Variants in CASP10 observed in about 807,000 individuals in gnomAD.
The protein encoded by CASP10 is caspase-10.
CASP10 carries 41 observed loss-of-function variants against 48.5 expected under a neutral mutation model. The observed-to-expected ratio is 0.85, with a 90% CI of 0.66 to 1.10. CASP10 has a LOEUF of 1.10. Among genes scored for constraint, CASP10 ranks in the 50% least tolerant of loss-of-function variants. The probability of loss-of-function intolerance (pLI) is 0.00; values close to 1 mark genes in which losing one functional copy is unlikely to be tolerated. For synonymous variants in CASP10, 232 were observed against 238.4 expected (o/e 0.97, Z 0.25); for missense variants, 614 against 614.5 (o/e 1.00, Z 0.01).
chr2:201,228,493 T>G (rs1945817997), intron 9 of CASP10, among the ~76,000 whole-genome samples: 1 of 152,218 alleles, frequency 6.6e-6, no homozygotes. Flanking sequence ...GGCCTGGGGC[T>G]TCTTGCTGCT....
rs995661972 is a variant in CASP10 at position 201,195,066 on chromosome 2, C to A, written c.578-776C>A. Among the ~76,000 whole-genome samples, 3 of 150,500 alleles carry A rather than the reference C, an allele frequency of 2.0e-5. No individual in the cohort carries two copies. In the East Asian group the frequency reaches 6.0e-4, roughly 30 times the overall value. Reference sequence around the variant, plus strand: ...TGCTGGGATTACAGGTGTGAGCCACCGCGCCCGGCTTGAGCTTTGTTATTT... The same window carrying A: ...TGCTGGGATTACAGGTGTGAGCCACAGCGCCCGGCTTGAGCTTTGTTATTT... On this transcript the variant is annotated intron_variant, in intron 4 of 9. Transcript: ENST00000286186.
chr2:201,197,617 A>G (rs1304271986), intron 5 of CASP10, among the ~76,000 whole-genome samples: 2 of 152,216 alleles, frequency 1.3e-5, no homozygotes, highest in Non-Finnish European at 2.9e-5. Flanking sequence ...CCTGTCTCAA[A>G]AAACGATAAC....
intron 5 of CASP10, among the ~76,000 whole-genome samples, chr2:201,203,068 G>A (rs1201297440): frequency 6.6e-6 from 1 of 152,104 alleles, no homozygotes; most frequent in Admixed American, 6.5e-5. Flanking sequence ...GCATCCCCTG[G>A]AGAAGGGTAT....
rs568295214 is a variant in CASP10, at chr2:201,211,585, G to A, written c.1415+2023G>A. Among the ~76,000 whole-genome samples, 18 of 152,142 alleles carry A rather than the reference G, an allele frequency of 1.2e-4. No individual in the cohort carries two copies. In the East Asian group the frequency reaches 1.4e-3, roughly 11 times the overall value. On this transcript the variant is annotated intron_variant, in intron 9 of 9. Coordinates refer to ENST00000286186, the MANE Select transcript of CASP10 (RefSeq NM_032977.4). ...TTATGGCTGAATGGTATTCTGTCAC[G>A]TATAAATATCACATTTTCTTTATCC...
chr2:201,217,598 A>T lies in CASP10; in HGVS notation c.1426A>T (p.Ile476Phe). The change falls in exon 10 of 10, where the codon ATC (isoleucine) becomes TTC (phenylalanine). Residue 476 changes from isoleucine (I) to phenylalanine (F), a missense_variant. Coordinates refer to ENST00000286186, the MANE Select transcript of CASP10 (RefSeq NM_032977.4). ...LKKLVPRHEDILSILTAVNDD... is the reference protein window; with the variant it reads ...LKKLVPRHEDFLSILTAVNDD... ...TCTTCTTTGTTGCAGACATGAAGAC[A>T]TCTTATCCATCCTCACTGCTGTCAA... 3 of 1,613,874 alleles carry T rather than the reference A, an allele frequency of 1.9e-6. No homozygotes were observed. Among genetic ancestry groups the T allele is most frequent in the South Asian group, 2.2e-5 (2 of 91,090 alleles).
At chr2:201,205,332 C>T (rs1350893329) in intron 6 of CASP10, among the ~76,000 whole-genome samples, 2 of 151,594 alleles carry the variant, frequency 1.3e-5, no homozygotes, top group South Asian at 2.1e-4. Context: ...TCAGGTGATC[C>T]TCCCACCTCA....
intron 2 of CASP10, 91 bp downstream of exon 2, chr2:201,186,215 C>A: frequency 1.1e-6 from 1 of 930,320 alleles, no homozygotes. Flanking sequence ...CAGTTAAGAT[C>A]TTTTGGTTAT....
intron 9 of CASP10, chr2:201,213,169 A>G (rs1295381616): frequency 2.0e-5 from 3 of 152,218 alleles, no homozygotes; most frequent in East Asian, 1.9e-4. Context: ...TGAGAAAACT[A>G]TGTTGTTAGG....
intron 5 of CASP10, chr2:201,200,557 A>G (rs1944980528): frequency 6.3e-7 from 1 of 1,595,006 alleles, no homozygotes; most frequent in African/African-American, 1.3e-5. Flanking sequence ...TATGCAGGCA[A>G]TCAGGACATG....
chr2:201,219,412 G>T lies in CASP10; in HGVS notation c.*1671G>T, dbSNP rs1945665404. The T allele has an allele frequency of 1.7e-5, 17 of 985,182 alleles. No homozygotes were observed. In the South Asian group the frequency reaches 1.9e-4, roughly 11 times the overall value. 61.0% of individuals were successfully genotyped at this position (985,182 alleles called of 1,614,324 possible). A position where few individuals can be genotyped will look rare whatever the true frequency, so the allele number is the denominator to read the frequency against. Reference sequence around the variant, plus strand: ...GTGGATAACACTGGCTTCAGGCAAAGCTTGAATCAGGACTCAATCTACAGG... The same window carrying T: ...GTGGATAACACTGGCTTCAGGCAAATCTTGAATCAGGACTCAATCTACAGG... On this transcript the variant is annotated 3_prime_UTR_variant, in exon 10 of 10. Transcript: ENST00000286186.
chr2:201,221,118 G>C lies in CASP10; in HGVS notation c.*3377G>C, dbSNP rs530687264. 1.0e-6 allele frequency: 1 copy of C among 985,460 alleles called. No homozygotes were observed. The highest frequency in any genetic ancestry group is 1.2e-6 in the Non-Finnish European group (1 of 829,944). The allele number at this position is 985,460 out of a possible 1,614,324, so 61.0% of individuals were successfully genotyped here. On this transcript the variant is annotated 3_prime_UTR_variant, in exon 10 of 10. Coordinates refer to ENST00000286186, the MANE Select transcript of CASP10 (RefSeq NM_032977.4). The stretch of plus-strand genomic sequence containing the variant: ...GGTTGTAACTGCAACAGAAATAGCA[G>C]GACTTAAGTTCCTTTGTGCGTAATT...
intron 3 of CASP10, among the ~76,000 whole-genome samples, chr2:201,191,645 A>G (rs1026989602): frequency 6.6e-6 from 1 of 152,234 alleles, no homozygotes; most frequent in African/African-American, 2.4e-5. Flanking sequence ...AAGGGCCTGA[A>G]CACCCCTCAG....
chr2:201,195,180 C>A (rs746606175), intron 4 of CASP10, among the ~76,000 whole-genome samples: 4 of 152,122 alleles, frequency 2.6e-5, no homozygotes, highest in Non-Finnish European at 4.4e-5. Context: ...AAACCTCCAC[C>A]TCCCAAGTTC....
chr2:201,191,198 TCCC>T (rs897168996), intron 3 of CASP10, among the ~76,000 whole-genome samples: 1 of 151,896 alleles, frequency 6.6e-6, no homozygotes, highest in Admixed American at 6.6e-5. Flanking sequence ...TCCAAACATT[TCCC>T]CCCTACTAAA....
At chr2:201,186,206 A>G in intron 2 of CASP10, 82 bp downstream of exon 2, 2 of 1,029,652 alleles carry the variant, frequency 1.9e-6, no homozygotes, top group South Asian at 1.3e-5. Flanking sequence ...AGGAAGCTGC[A>G]GTTAAGATCT....
intron 2 of CASP10, among the ~76,000 whole-genome samples, chr2:201,187,111 CTGGCTTCCAGAACCTGAGT>C (rs1208745356): frequency 6.6e-6 from 1 of 152,242 alleles, no homozygotes; most frequent in African/African-American, 2.4e-5. Flanking sequence ...AGCGGTGGAA[CTGGCTTCCAGAACCTGAGT>C]TGCCCTTGAG....
intron 5 of CASP10, chr2:201,200,573 G>A (rs1944981030): frequency 2.5e-6 from 4 of 1,582,566 alleles, no homozygotes; most frequent in Non-Finnish European, 3.4e-6. Flanking sequence ...ACATGACACA[G>A]AGCCGGGAGA....
intron 9 of CASP10, among the ~76,000 whole-genome samples, chr2:201,211,792 C>T (rs1945403093): frequency 6.6e-6 from 1 of 152,066 alleles, no homozygotes; most frequent in Non-Finnish European, 1.5e-5. Context: ...GAGGAACTGG[C>T]ATACTATTTT....
chr2:201,206,329 G>A, intron 7 of CASP10: 1 of 192,282 alleles, frequency 5.2e-6, no homozygotes, highest in South Asian at 8.6e-5. Context: ...TTTCAAGGAT[G>A]ATTTTAGCTG....
Sources: allele counts gnomAD v4.1 joint callset (sites outside exome capture counted in the v4.1 genomes callset), GRCh38; gene constraint gnomAD v4.1.1; transcripts MANE v1.5; gene names NCBI Gene and HGNC (gene_info 2026-07-23, HGNC 2026-07-21).